The following PLEKHH2 variants were observed in gnomAD, a reference collection of about 807,000 sequenced individuals.
PLEKHH2 encodes pleckstrin homology, MyTH4 and FERM domain containing H2.
Under a neutral mutation model 187.9 loss-of-function variants are expected in PLEKHH2, and 129 were observed. The ratio of observed to expected loss-of-function variants is 0.69; its 90% CI spans 0.59 to 0.79. PLEKHH2 has a LOEUF of 0.79. Ranked by LOEUF, PLEKHH2 falls within the 30% of genes least tolerant of loss-of-function variation. The probability of loss-of-function intolerance (pLI) is 0.00; values close to 1 mark genes in which losing one functional copy is unlikely to be tolerated. For missense variants in PLEKHH2, 2,076 were observed against 1,751.2 expected (o/e 1.19, Z -3.31); for synonymous variants, 686 against 605.6 (o/e 1.13, Z -1.95).
At chr2:43,719,829 G>T (rs890920642) in intron 15 of PLEKHH2, among the ~76,000 whole-genome samples, 3 of 152,036 alleles carry the variant, frequency 2.0e-5, no homozygotes, top group African/African-American at 7.3e-5. Context: ...GAAATATACT[G>T]GTGAAATTGT....
At chr2:43,713,661 T>G (rs1670074324) in intron 15 of PLEKHH2, among the ~76,000 whole-genome samples, 1 of 84,264 alleles carries the variant, frequency 1.2e-5, no homozygotes, top group Non-Finnish European at 2.9e-5. Flanking sequence ...CTTAATTCTG[T>G]TTTTTTTTTT....
Position 43,718,608 on chromosome 2 carries a change from G to T in PLEKHH2, c.2461-2061G>T, listed in dbSNP as rs140449905. Among the ~76,000 whole-genome samples the T allele has an allele frequency of 5.0e-4, 76 of 152,140 alleles. 2 individuals carry two copies. The East Asian group carries it at 7.7e-3, about 15-fold the overall frequency. On this transcript the variant is annotated intron_variant, in intron 15 of 29. Coordinates refer to ENST00000282406, the MANE Select transcript of PLEKHH2 (RefSeq NM_172069.4). The stretch of plus-strand genomic sequence containing the variant: ...ATTGTTAAAACACAGCTTTTACAGT[G>T]AATTGGCAAAGGTCTTCATTAATTT...
chr2:43,638,289 TCACA>T (rs1703214391), intron 1 of PLEKHH2, among the ~76,000 whole-genome samples: 1 of 133,914 alleles, frequency 7.5e-6, no homozygotes, highest in Admixed American at 7.4e-5. Flanking sequence ...ACACACACAC[TCACA>T]CACACGATTA....
At chr2:43,755,045 G>T (rs540827482) in intron 25 of PLEKHH2, among the ~76,000 whole-genome samples, 125 of 151,882 alleles carry the variant, frequency 8.2e-4, no homozygotes, top group African/African-American at 2.8e-3. Flanking sequence ...GCTAATTTTC[G>T]TATTTTTAGT....
At position 43,740,867 on chromosome 2, in the gene PLEKHH2, A is replaced by G. The variant is rs1671530763; in HGVS notation, c.3124-79A>G. ...CGTTTTTGGGTTAAGAGAGACTGTC[A>G]TCAGCCCATTGCACTCACTCAGATG... On this transcript the variant is annotated intron_variant, in intron 20 of 29. Transcript: ENST00000282406. 15 of 1,555,938 alleles carry G rather than the reference A, an allele frequency of 9.6e-6. No individual in the cohort carries two copies. In the Middle Eastern group the frequency reaches 7.9e-4, roughly 82 times the overall value.
intron 15 of PLEKHH2, among the ~76,000 whole-genome samples, chr2:43,720,096 C>T (rs559417122): frequency 4.1e-4 from 63 of 152,242 alleles, no homozygotes; most frequent in Non-Finnish European, 8.8e-4. Flanking sequence ...ACCCATCACT[C>T]GTAATAACAT....
intron 2 of PLEKHH2, among the ~76,000 whole-genome samples, chr2:43,673,668 A>G (rs978002585): frequency 6.6e-6 from 1 of 152,208 alleles, no homozygotes; most frequent in Non-Finnish European, 1.5e-5. Context: ...TAAGTATTAG[A>G]TACTATGTTG....
intron 27 of PLEKHH2, among the ~76,000 whole-genome samples, chr2:43,759,355 C>A (rs779390660): frequency 1.3e-5 from 2 of 152,216 alleles, no homozygotes; most frequent in Non-Finnish European, 2.9e-5. Context: ...TTAGTATTTA[C>A]TAAGTTCTGT....
chr2:43,645,540 G>A (rs1027875673), intron 2 of PLEKHH2, among the ~76,000 whole-genome samples: 4 of 152,062 alleles, frequency 2.6e-5, no homozygotes, highest in Admixed American at 2.0e-4. Flanking sequence ...TTCAGATAAG[G>A]CTAGTTCAAA....
chr2:43,759,228 T>C (rs1672334461), intron 27 of PLEKHH2, among the ~76,000 whole-genome samples, 199 bp downstream of exon 27: 1 of 152,202 alleles, frequency 6.6e-6, no homozygotes, highest in Non-Finnish European at 1.5e-5. Flanking sequence ...TTTCCCACCC[T>C]AAATCATTTC....
chr2:43,719,656 T>C (rs1329266417), intron 15 of PLEKHH2, among the ~76,000 whole-genome samples: 1 of 152,194 alleles, frequency 6.6e-6, no homozygotes, highest in Non-Finnish European at 1.5e-5. Flanking sequence ...GTCAGGCTGG[T>C]CTTGAACTCC....
rs1483092923 is a variant in PLEKHH2 at position 43,699,724 on chromosome 2, C to T, written c.766C>T (p.Pro256Ser). 1 of 1,614,052 alleles carries T rather than the reference C, an allele frequency of 6.2e-7. No individual in the cohort carries two copies. Among genetic ancestry groups the T allele is most frequent in the Non-Finnish European group, 8.5e-7 (1 of 1,180,040 alleles). ...NRGQRTLHQT[P>S]CGSEQNRKTR... ...AGGCCAGAGAACATTGCATCAAACC[C>T]CTTGTGGCTCAGAACAGAATCGGAA... Residue 256 changes from proline (P) to serine (S), a missense_variant, in exon 8 of 30, where the codon CCT becomes TCT. Physicochemically the swap from Pro to Ser is moderately conservative, Grantham distance 74. Coordinates refer to ENST00000282406, the MANE Select transcript of PLEKHH2 (RefSeq NM_172069.4).
Position 43,738,393 on chromosome 2 carries a change from A to T in PLEKHH2, c.2996A>T (p.His999Leu), listed in dbSNP as rs752332296. Residue 999 changes from histidine (H) to leucine (L), a missense_variant, in exon 20 of 30, where the codon CAC becomes CTC. Physicochemically the swap from His to Leu is moderately conservative, Grantham distance 99. Coordinates refer to ENST00000282406, the MANE Select transcript of PLEKHH2 (RefSeq NM_172069.4). ...GTTGACTCTCCTGCAATTGATTACCACATATCTTTAGCCCAGAGTGCTTTG... is the reference window on the plus strand; with the variant it reads ...GTTGACTCTCCTGCAATTGATTACCTCATATCTTTAGCCCAGAGTGCTTTG... ...AAVDSPAIDY[H>L]ISLAQSALQI... 1 of 1,613,792 alleles carries T rather than the reference A, an allele frequency of 6.2e-7. No individual in the cohort carries two copies. The highest frequency in any genetic ancestry group is 1.3e-5 in the African/African-American group (1 of 74,920).
chr2:43,658,647 T>A (rs1396925509), intron 2 of PLEKHH2: 1 of 152,176 alleles, frequency 6.6e-6, no homozygotes, highest in Non-Finnish European at 1.5e-5. Flanking sequence ...AGTCCCTAAG[T>A]GTGTGGATGT....
intron 3 of PLEKHH2, among the ~76,000 whole-genome samples, chr2:43,690,198 T>G (rs1185367193): frequency 6.6e-6 from 1 of 152,236 alleles, no homozygotes; most frequent in Admixed American, 6.5e-5. Context: ...CTTGGGCAGT[T>G]TTGCATGACA....
At chr2:43,639,456 T>C (rs187314242) in intron 1 of PLEKHH2, among the ~76,000 whole-genome samples, 3 of 152,206 alleles carry the variant, frequency 2.0e-5, no homozygotes, top group Admixed American at 6.5e-5. Context: ...TGGCAACCAC[T>C]AACCTACTTT....
chr2:43,687,914 G>C (rs1325444034), intron 3 of PLEKHH2, among the ~76,000 whole-genome samples: 5 of 151,662 alleles, frequency 3.3e-5, no homozygotes, highest in African/African-American at 9.7e-5. Flanking sequence ...CTCCCACTTC[G>C]GCCTTTTGAG....
chr2:43,710,779 C>G (rs1355812864), intron 14 of PLEKHH2: 1 of 1,343,968 alleles, frequency 7.4e-7, no homozygotes, highest in African/African-American at 1.5e-5. Flanking sequence ...TTGAGTAACT[C>G]CCACCACACT....
In PLEKHH2 at chr2:43,699,667, T is replaced by A; in HGVS notation, c.709T>A (p.Ser237Thr). ...DMEEMEIPEK[S>T]VDNQVLENNR... ...TCTAGAAATGGAAATTCCAGAAAAG[T>A]CTGTTGATAACCAAGTTCTAGAAAA... The change falls in exon 8 of 30, where the codon TCT becomes ACT. Residue 237 changes from serine (S) to threonine (T), a missense_variant. Transcript: ENST00000282406. 6.2e-7 allele frequency: 1 copy of A among 1,612,110 alleles called. No individual in the cohort carries two copies.
Sources: gnomAD v4.1 joint callset for allele counts (sites outside exome capture counted in the v4.1 genomes callset) on GRCh38, gnomAD v4.1.1 for gene constraint, MANE v1.5 for transcripts, NCBI Gene and HGNC (gene_info 2026-07-23, HGNC 2026-07-21) for gene names.